The following RORA variants were observed in gnomAD, a reference collection of about 807,000 sequenced individuals.
RORA encodes the protein RAR related orphan receptor A.
A neutral mutation model predicts 69.5 loss-of-function variants in RORA; 7 were observed. That is an observed-to-expected ratio of 0.10 (90% CI 0.06 to 0.19). The LOEUF (loss-of-function observed/expected upper bound fraction) is 0.19. RORA is among the 10% of genes least tolerant of loss of function. The pLI is 1.00. For missense variants in RORA, 457 were observed against 663.0 expected (o/e 0.69, Z 3.41); for synonymous variants, 261 against 240.8 (o/e 1.08, Z -0.78).
intron 1 of RORA, among the ~76,000 whole-genome samples, chr15:61,184,567 C>T (rs1459044530): frequency 6.6e-6 from 1 of 152,208 alleles, no homozygotes; most frequent in Non-Finnish European, 1.5e-5. Flanking sequence ...ATCTCCTCAA[C>T]TATCACAGGA....
rs112307390 is a variant in RORA, at chr15:60,729,639, C to T, written c.167-50953G>A. On this transcript the variant is annotated intron_variant, in intron 1 of 10. Coordinates refer to ENST00000335670, the MANE Select transcript of RORA (RefSeq NM_134261.3). Reference sequence around the variant, plus strand: ...TTTTAGTGAGGTGCAAGGGATCTTTCTGACAGGAACCCTGTCTGTATTACC... The same window carrying T: ...TTTTAGTGAGGTGCAAGGGATCTTTTTGACAGGAACCCTGTCTGTATTACC... Among the ~76,000 whole-genome samples, 401 of 152,336 alleles carry T rather than the reference C, an allele frequency of 2.6e-3. 3 individuals are homozygous for T. Among genetic ancestry groups the T allele is most frequent in the African/African-American group, 9.3e-3 (388 of 41,580 alleles).
intron 1 of RORA, among the ~76,000 whole-genome samples, chr15:60,880,138 C>T (rs1328974610): frequency 6.6e-6 from 1 of 152,220 alleles, no homozygotes; most frequent in Non-Finnish European, 1.5e-5. Context: ...AATCACATCT[C>T]ACCTTACTCT....
chr15:60,500,009 G>C lies in RORA; in HGVS notation c.1295-5C>G. 6.3e-7 allele frequency: 1 copy of C among 1,580,184 alleles called. No homozygotes were observed. Among genetic ancestry groups the C allele is most frequent in the South Asian group, 1.1e-5 (1 of 89,566 alleles). On this transcript the variant is annotated splice_region_variant and splice_polypyrimidine_tract_variant and intron_variant, in intron 9 of 10. Coordinates refer to ENST00000335670, the MANE Select transcript of RORA (RefSeq NM_134261.3). ...TTTCTTGCAGCCATGAGCGATCTAA[G>C]CATAAAAAAATGATATTCTTTAGCA... is the stretch of plus-strand genomic sequence containing the variant.
chr15:61,192,881 T>C lies in RORA; in HGVS notation c.166+36172A>G, dbSNP rs577519766. Among the ~76,000 whole-genome samples, 3 of 152,304 alleles carry C rather than the reference T, an allele frequency of 2.0e-5. No homozygotes were observed. The South Asian group carries it at 6.2e-4, about 32-fold the overall frequency. On this transcript the variant is annotated intron_variant, in intron 1 of 10. Coordinates refer to ENST00000335670, the MANE Select transcript of RORA (RefSeq NM_134261.3). Reference sequence around the variant, plus strand: ...GCTAACACTTGCCTTACAGGGCTGTTGTGAGGTCAAACAGACAAGGTACCT... The same window carrying C: ...GCTAACACTTGCCTTACAGGGCTGTCGTGAGGTCAAACAGACAAGGTACCT...
At position 60,544,385 on chromosome 15, in the gene RORA, C is replaced by G. The variant is rs150102139; in HGVS notation, c.197-12534G>C. Among the ~76,000 whole-genome samples the G allele has an allele frequency of 4.2e-3, 629 of 150,730 alleles. 1 individual carries two copies. The highest frequency in any genetic ancestry group is 0.014 in the African/African-American group (598 of 41,440). On this transcript the variant is annotated intron_variant, in intron 2 of 10. Transcript: ENST00000335670. ...TTTCATTGGTTTAGGAAAGGAAATACAATGAACTGTTCTCTTCGAGATCCA... is the reference window on the plus strand; with the variant it reads ...TTTCATTGGTTTAGGAAAGGAAATAGAATGAACTGTTCTCTTCGAGATCCA...
chr15:60,809,729 T>A (rs2072715041), intron 1 of RORA, among the ~76,000 whole-genome samples: 1 of 152,104 alleles, frequency 6.6e-6, no homozygotes, highest in South Asian at 2.1e-4. Flanking sequence ...ATGTAAATGC[T>A]ATTCACCAAT....
intron 2 of RORA, chr15:60,627,642 CCT>C: frequency 1.7e-6 from 1 of 577,492 alleles, no homozygotes; most frequent in Non-Finnish European, 2.2e-6. Context: ...TTCTTTCTTC[CCT>C]TTTTTCAATA....
intron 1 of RORA, among the ~76,000 whole-genome samples, chr15:61,086,784 T>A (rs528007590): frequency 1.7e-4 from 26 of 152,308 alleles, no homozygotes; most frequent in Admixed American, 1.2e-3. Context: ...CTATTTTTTT[T>A]AAATAAAGTT....
intron 2 of RORA, among the ~76,000 whole-genome samples, chr15:60,635,992 A>G (rs764217840): frequency 2.0e-5 from 3 of 152,104 alleles, no homozygotes; most frequent in African/African-American, 2.4e-5. Flanking sequence ...TAGCAGTGGT[A>G]GTGGTTATGG....
chr15:60,561,452 A>T (rs185070942), intron 2 of RORA, among the ~76,000 whole-genome samples: 1 of 152,208 alleles, frequency 6.6e-6, no homozygotes, highest in East Asian at 1.9e-4. Context: ...AATTGTGATG[A>T]CAAGAAAGTA....
rs113427331 is a variant in RORA, at chr15:60,606,965, T to C, written c.196+71692A>G. On this transcript the variant is annotated intron_variant, in intron 2 of 10. Transcript: ENST00000335670. ...TGTGCTTTAAAAAGCATCCCTTTGA[T>C]ATTTACTCCGAGGCTTTTTTCTCTT... is the stretch of plus-strand genomic sequence containing the variant. Among the ~76,000 whole-genome samples the C allele has an allele frequency of 4.1e-3, 617 of 152,340 alleles. 6 individuals carry two copies. Among genetic ancestry groups the C allele is most frequent in the African/African-American group, 0.014 (590 of 41,584 alleles).
intron 1 of RORA, among the ~76,000 whole-genome samples, chr15:60,697,107 T>C (rs569435750): frequency 6.6e-6 from 1 of 152,370 alleles, no homozygotes; most frequent in South Asian, 2.1e-4. Context: ...ACGAGGTTTA[T>C]GTTCTGCTCT....
At chr15:60,963,612 G>A (rs552596096) in intron 1 of RORA, among the ~76,000 whole-genome samples, 3 of 152,338 alleles carry the variant, frequency 2.0e-5, no homozygotes, top group South Asian at 4.1e-4. Context: ...GCATTCCTCT[G>A]CTCCTGTGCA....
chr15:60,553,568 A>C (rs369649399), intron 2 of RORA, among the ~76,000 whole-genome samples: 1 of 152,198 alleles, frequency 6.6e-6, no homozygotes, highest in East Asian at 1.9e-4. Flanking sequence ...ATGCCACCCC[A>C]AATTATGACA....
chr15:60,521,146 A>G (rs568451308), intron 3 of RORA, among the ~76,000 whole-genome samples: 82 of 152,292 alleles, frequency 5.4e-4, no homozygotes, highest in African/African-American at 1.9e-3. Flanking sequence ...CCAGAACTAT[A>G]TATCAAACCA....
intron 1 of RORA, among the ~76,000 whole-genome samples, chr15:60,850,813 T>C (rs575483845): frequency 6.6e-6 from 1 of 152,314 alleles, no homozygotes; most frequent in African/African-American, 2.4e-5. Flanking sequence ...TTCTTCTGTG[T>C]TCAGGGTGAG....
At chr15:60,848,293 C>T (rs2073288850) in intron 1 of RORA, 1 of 152,266 alleles carries the variant, frequency 6.6e-6, no homozygotes, top group South Asian at 2.1e-4. Flanking sequence ...GCAAAAGAGA[C>T]TCAAAGGAGG....
intron 1 of RORA, among the ~76,000 whole-genome samples, chr15:60,824,839 C>T (rs2140383259): frequency 6.6e-6 from 1 of 152,278 alleles, no homozygotes. Context: ...CAAAAGACCA[C>T]CTAAAATGAA....
At position 60,531,639 on chromosome 15, in the gene RORA, A is replaced by G; in HGVS notation, c.282+127T>C. 5.0e-6 allele frequency: 3 copies of G among 605,604 alleles called. No individual in the cohort carries two copies. Among genetic ancestry groups the G allele is most frequent in the Non-Finnish European group, 8.7e-6 (3 of 346,082 alleles). 37.5% of individuals were successfully genotyped at this position (605,604 alleles called of 1,614,324 possible). A position where few individuals can be genotyped will look rare whatever the true frequency, so the allele number is the denominator to read the frequency against. On this transcript the variant is annotated intron_variant, in intron 3 of 10. Transcript: ENST00000335670. The surrounding 1 kb of genome is among the most constrained non-coding windows in gnomAD (Gnocchi z 4.8). The stretch of plus-strand genomic sequence containing the variant: ...AATTTAACACCAAAATATTTCTTCT[A>G]TCCTGTAATTTCTTATCATTCAAAA...
Sources: allele counts gnomAD v4.1 joint callset (sites outside exome capture counted in the v4.1 genomes callset), GRCh38; gene constraint gnomAD v4.1.1; non-coding constraint Gnocchi (gnomAD v3.1); transcripts MANE v1.5; gene names NCBI Gene and HGNC (gene_info 2026-07-23, HGNC 2026-07-21).